SMAP1: variants seen among roughly 807,000 people sequenced by gnomAD.
SMAP1 encodes the protein small ArfGAP 1.
Under a neutral mutation model 58.5 loss-of-function variants are expected in SMAP1, and 24 were observed. The observed-to-expected ratio is 0.41, with a 90% CI of 0.30 to 0.58. The LOEUF (loss-of-function observed/expected upper bound fraction) is 0.58. Among genes scored for constraint, SMAP1 ranks in the 20% least tolerant of loss-of-function variants. SMAP1 has a pLI of 0.29. For missense variants in SMAP1, 563 were observed against 566.3 expected (o/e 0.99, Z 0.06); for synonymous variants, 216 against 196.6 (o/e 1.10, Z -0.82).
At chr6:70,756,021 G>A (rs963957939) in intron 3 of SMAP1, among the ~76,000 whole-genome samples, 1 of 151,910 alleles carries the variant, frequency 6.6e-6, no homozygotes, top group Non-Finnish European at 1.5e-5. Flanking sequence ...TTTATGAGTG[G>A]ATAGAATAGT....
chr6:70,801,355 T>C (rs1209208537), intron 6 of SMAP1, among the ~76,000 whole-genome samples: 5 of 152,138 alleles, frequency 3.3e-5, no homozygotes, highest in African/African-American at 1.2e-4. Context: ...TGCCCACTTT[T>C]TGATGTGGTT....
At chr6:70,668,629 A>G in intron 1 of SMAP1, 1 of 1,535,838 alleles carries the variant, frequency 6.5e-7, no homozygotes, top group South Asian at 1.2e-5. Context: ...GGTCTCCTAG[A>G]TGGAGCCCTA....
rs1771747401 is a variant in SMAP1, at chr6:70,861,830, C to CT, written c.*1498dup. ...CGGGCAGCACAAGTGTAATGAATACCTTAGTGCAGTTATTTGCTTTCGGTT... is the reference window on the plus strand; with the variant it reads ...CGGGCAGCACAAGTGTAATGAATACCTTTAGTGCAGTTATTTGCTTTCGGTT... On this transcript the variant is annotated 3_prime_UTR_variant, in exon 11 of 11. Transcript: ENST00000370455. 6.2e-7 allele frequency: 1 copy of CT among 1,613,888 alleles called. No individual in the cohort carries two copies. The highest frequency in any genetic ancestry group is 1.3e-5 in the African/African-American group (1 of 74,882).
intron 4 of SMAP1, among the ~76,000 whole-genome samples, chr6:70,782,888 G>A (rs560614627): frequency 2.6e-5 from 4 of 152,278 alleles, no homozygotes; most frequent in East Asian, 3.9e-4. Context: ...CCTGAGTGAC[G>A]GAGAAGACGG....
At chr6:70,781,598 TA>T (rs1767767221) in intron 4 of SMAP1, among the ~76,000 whole-genome samples, 1 of 152,230 alleles carries the variant, frequency 6.6e-6, no homozygotes, top group African/African-American at 2.4e-5. Flanking sequence ...CCATTGCCAA[TA>T]ATTAATCTAT....
At chr6:70,768,409 T>C (rs1452817955) in intron 3 of SMAP1, among the ~76,000 whole-genome samples, 6 of 152,222 alleles carry the variant, frequency 3.9e-5, no homozygotes, top group African/African-American at 4.8e-5. Context: ...AAGCTATTGA[T>C]TATTGCCACA....
chr6:70,837,034 TA>T lies in SMAP1; in HGVS notation c.664+8del. 1 of 1,557,914 alleles carries T rather than the reference TA, an allele frequency of 6.4e-7. No homozygotes were observed. ...TGTGGATCTTTTAGGACTTGGTAAG[TA>T]ATAAAAAATAAAAGTCACTGCTGGA... On this transcript the variant is annotated splice_region_variant and intron_variant, in intron 7 of 10. Transcript: ENST00000370455.
At chr6:70,754,307 T>C (rs115373653) in intron 2 of SMAP1, among the ~76,000 whole-genome samples, 2,001 of 152,192 alleles carry the variant, frequency 0.013, 53 homozygotes, top group African/African-American at 0.046. Flanking sequence ...CTGGTTGAAA[T>C]GATTATCAAA....
intron 1 of SMAP1, among the ~76,000 whole-genome samples, chr6:70,669,647 A>G (rs754643686): frequency 2.0e-5 from 3 of 152,206 alleles, no homozygotes; most frequent in Admixed American, 6.5e-5. Flanking sequence ...TGCACTAGCA[A>G]AACACTGAAA....
At chr6:70,742,912 CAT>C (rs543134174) in intron 2 of SMAP1, among the ~76,000 whole-genome samples, 1 of 152,110 alleles carries the variant, frequency 6.6e-6, no homozygotes, top group Non-Finnish European at 1.5e-5. Context: ...TCTTGTGAGA[CAT>C]ATTTATGACC....
In SMAP1 at chr6:70,861,724, T is replaced by G; in HGVS notation, c.*1390T>G. 6.2e-7 allele frequency: 1 copy of G among 1,614,138 alleles called. No individual in the cohort carries two copies. The highest frequency in any genetic ancestry group is 8.5e-7 in the Non-Finnish European group (1 of 1,179,996). On this transcript the variant is annotated 3_prime_UTR_variant, in exon 11 of 11. Transcript: ENST00000370455. ...TGGCTCGTTGGCTAGATTAACCTTC[T>G]CTGTCCGAGTGTGCCACACGAGAAC...
chr6:70,712,179 A>G lies in SMAP1; in HGVS notation c.119-20199A>G, dbSNP rs1366235425. Among the ~76,000 whole-genome samples, 7 of 152,172 alleles carry G rather than the reference A, an allele frequency of 4.6e-5. No homozygotes were observed. The East Asian group carries it at 1.3e-3, about 29-fold the overall frequency. On this transcript the variant is annotated intron_variant, in intron 1 of 10. Coordinates refer to ENST00000370455, the MANE Select transcript of SMAP1 (RefSeq NM_001044305.3). ...TTGTCAAATGCTTTTTTGTTCATTTATTGAGATGATCATGTGGCTTGTATC... is the reference window on the plus strand; with the variant it reads ...TTGTCAAATGCTTTTTTGTTCATTTGTTGAGATGATCATGTGGCTTGTATC...
intron 1 of SMAP1, among the ~76,000 whole-genome samples, chr6:70,690,397 C>A (rs1767111255): frequency 6.6e-6 from 1 of 151,976 alleles, no homozygotes; most frequent in Non-Finnish European, 1.5e-5. Context: ...ACCTCCGCCT[C>A]CTGGGTTCAA....
At chr6:70,833,728 G>C (rs958583708) in intron 6 of SMAP1, among the ~76,000 whole-genome samples, 5 of 152,084 alleles carry the variant, frequency 3.3e-5, no homozygotes, top group Non-Finnish European at 7.4e-5. Flanking sequence ...AACAATCTGG[G>C]AATATTTACC....
chr6:70,788,805 T>C (rs1360940444), intron 4 of SMAP1, among the ~76,000 whole-genome samples: 1 of 152,204 alleles, frequency 6.6e-6, no homozygotes, highest in African/African-American at 2.4e-5. Flanking sequence ...TACTCTGTCC[T>C]TATATAATGT....
chr6:70,700,421 C>T (rs1194516186), intron 1 of SMAP1, among the ~76,000 whole-genome samples: 1 of 152,188 alleles, frequency 6.6e-6, no homozygotes, highest in Non-Finnish European at 1.5e-5. Flanking sequence ...GCCTCAGCCT[C>T]CAGAGTAGCT....
At chr6:70,756,153 T>A (rs1356934605) in intron 3 of SMAP1, among the ~76,000 whole-genome samples, 1 of 152,074 alleles carries the variant, frequency 6.6e-6, no homozygotes, top group Non-Finnish European at 1.5e-5. Context: ...GCTTTATAAA[T>A]AAGATTATCT....
intron 6 of SMAP1, among the ~76,000 whole-genome samples, chr6:70,835,251 C>CAAA (rs778677881): frequency 2.6e-3 from 151 of 57,206 alleles, no homozygotes; most frequent in Middle Eastern, 9.1e-3. Flanking sequence ...GACTCCGTCT[C>CAAA]AAAAAAAAAA....
chr6:70,712,224 G>T (rs1768084442), intron 1 of SMAP1, among the ~76,000 whole-genome samples: 1 of 152,118 alleles, frequency 6.6e-6, no homozygotes, highest in South Asian at 2.1e-4. Flanking sequence ...GTTAATGAGG[G>T]GTAATCACCT....
Sources: gnomAD v4.1 joint callset for allele counts (sites outside exome capture counted in the v4.1 genomes callset) on GRCh38, gnomAD v4.1.1 for gene constraint, MANE v1.5 for transcripts, NCBI Gene and HGNC (gene_info 2026-07-23, HGNC 2026-07-21) for gene names.